S100Z: variants seen among roughly 807,000 people sequenced by gnomAD.
The protein encoded by S100Z is S100 calcium binding protein Z.
S100Z carries 11 observed loss-of-function variants against 8.5 expected under a neutral mutation model. The ratio of observed to expected loss-of-function variants is 1.30; its 90% CI spans 0.82 to 2.15. S100Z has a LOEUF of 2.15. Among genes scored for constraint, S100Z ranks in the 30% most tolerant of loss-of-function variants. The pLI, the probability that S100Z is intolerant of heterozygous loss-of-function variation, is 0.00. For missense variants in S100Z, 126 were observed against 117.9 expected (o/e 1.07, Z -0.32); for synonymous variants, 34 against 43.8 (o/e 0.78, Z 0.89).
intron 4 of S100Z, among the ~76,000 whole-genome samples, chr5:76,917,453 C>T (rs1460700754): frequency 6.6e-6 from 1 of 152,118 alleles, no homozygotes; most frequent in African/African-American, 2.4e-5. Context: ...TTCATGATCA[C>T]ACACAAGTTT....
chr5:76,889,236 A>G (rs556919814), intron 4 of S100Z, among the ~76,000 whole-genome samples: 3 of 152,190 alleles, frequency 2.0e-5, no homozygotes, highest in South Asian at 2.1e-4. Flanking sequence ...CTTCTTGCCT[A>G]TTAAACTCTC....
In S100Z at chr5:76,910,789, C is replaced by A. The variant is rs534138311; in HGVS notation, c.*3-9928C>A. On this transcript the variant is annotated intron_variant, in intron 4 of 4. Transcript: ENST00000317593. ...AAATTGACTTCCTCCTGGACACTGG[C>A]GCGGCCTTCTCAGTGTTAATCTCCT... Among the ~76,000 whole-genome samples, 5 of 152,290 alleles carry A rather than the reference C, an allele frequency of 3.3e-5. No individual in the cohort carries two copies. In the South Asian group the frequency reaches 1.0e-3, roughly 32 times the overall value.
the S100Z span, among the ~76,000 whole-genome samples, chr5:76,931,987 C>T: frequency 1.3e-3 from 204 of 151,934 alleles, 1 homozygote; most frequent in Non-Finnish European, 2.2e-3. Flanking sequence ...ACCACTAGTG[C>T]GGATTTTTCT....
chr5:76,887,442 C>T (rs1367792935), intron 4 of S100Z, among the ~76,000 whole-genome samples: 1 of 144,788 alleles, frequency 6.9e-6, no homozygotes, highest in Non-Finnish European at 1.5e-5. Flanking sequence ...GCTCTGTGCC[C>T]AGGCTGGAGG....
At chr5:76,887,983 C>A (rs1019365943) in intron 4 of S100Z, among the ~76,000 whole-genome samples, 1 of 152,036 alleles carries the variant, frequency 6.6e-6, no homozygotes, top group African/African-American at 2.4e-5. Context: ...ATTGGCCAGG[C>A]ACGGTGGCTC....
At chr5:76,907,470 A>G (rs1447572216) in intron 4 of S100Z, among the ~76,000 whole-genome samples, 1 of 151,802 alleles carries the variant, frequency 6.6e-6, no homozygotes, top group Admixed American at 6.6e-5. Context: ...TGCCCGGCTA[A>G]TTTTTTGTAT....
chr5:76,935,663 T>C, the S100Z span, among the ~76,000 whole-genome samples: 17 of 152,146 alleles, frequency 1.1e-4, no homozygotes, highest in Admixed American at 2.6e-4. Context: ...TACTGCCTTC[T>C]CCCTGGTCTG....
At chr5:76,856,070 A>G (rs1026889744) in intron 1 of S100Z, among the ~76,000 whole-genome samples, 2 of 152,102 alleles carry the variant, frequency 1.3e-5, no homozygotes, top group African/African-American at 4.8e-5. Context: ...TCCTCCGGCC[A>G]CATAAGATGT....
intron 4 of S100Z, among the ~76,000 whole-genome samples, chr5:76,914,686 G>T (rs1197638378): frequency 6.6e-6 from 1 of 151,974 alleles, no homozygotes; most frequent in Non-Finnish European, 1.5e-5. Flanking sequence ...AACTCCAGAC[G>T]TGCCACCTTT....
intron 4 of S100Z, among the ~76,000 whole-genome samples, chr5:76,910,417 G>A (rs1411599563): frequency 6.6e-6 from 1 of 152,198 alleles, no homozygotes; most frequent in African/African-American, 2.4e-5. Context: ...AGTGAGATCA[G>A]AGAAAGGCCG....
chr5:76,864,853 C>T (rs1023077033), intron 1 of S100Z, among the ~76,000 whole-genome samples: 5 of 151,768 alleles, frequency 3.3e-5, no homozygotes, highest in Admixed American at 6.6e-5. Flanking sequence ...AGACTACAGT[C>T]GCACATCACC....
chr5:76,868,872 C>T (rs1156296753), intron 1 of S100Z, among the ~76,000 whole-genome samples: 1 of 152,186 alleles, frequency 6.6e-6, no homozygotes, highest in East Asian at 1.9e-4. Flanking sequence ...GATCTACCCG[C>T]CTCAGCCTCC....
chr5:76,859,499 G>A (rs931637434), intron 1 of S100Z, among the ~76,000 whole-genome samples: 2 of 152,068 alleles, frequency 1.3e-5, no homozygotes, highest in Admixed American at 6.5e-5. Context: ...GAGAAGCCTC[G>A]GCCGGGGGCA....
At chr5:76,950,756 C>T in the S100Z span, among the ~76,000 whole-genome samples, 9,616 of 152,188 alleles carry the variant, frequency 0.063, 397 homozygotes, top group Middle Eastern at 0.13. Flanking sequence ...ATCCAGTTTG[C>T]TTGAACAAAC....
intron 4 of S100Z, among the ~76,000 whole-genome samples, chr5:76,896,703 T>G (rs1055348150): frequency 6.6e-6 from 1 of 152,228 alleles, no homozygotes; most frequent in Admixed American, 6.5e-5. Flanking sequence ...AGCATTCATT[T>G]TACCTGTCTT....
At chr5:76,861,559 G>T (rs556540108) in intron 1 of S100Z, among the ~76,000 whole-genome samples, 1 of 152,076 alleles carries the variant, frequency 6.6e-6, no homozygotes, top group Non-Finnish European at 1.5e-5. Flanking sequence ...GGCTGGTCTC[G>T]AACTCCTGAC....
At chr5:76,898,168 G>A (rs370314918) in intron 4 of S100Z, among the ~76,000 whole-genome samples, 1 of 82,384 alleles carries the variant, frequency 1.2e-5, no homozygotes, top group Non-Finnish European at 2.6e-5. Context: ...TTTTTTTTTT[G>A]AGATGGAGTT....
chr5:76,863,671 T>C (rs1403839144), intron 1 of S100Z, among the ~76,000 whole-genome samples: 2 of 152,004 alleles, frequency 1.3e-5, no homozygotes, highest in Non-Finnish European at 2.9e-5. Context: ...CCCAAGTAGC[T>C]GGGACTACAG....
chr5:76,907,803 T>G (rs1744509625), intron 4 of S100Z, among the ~76,000 whole-genome samples: 1 of 152,100 alleles, frequency 6.6e-6, no homozygotes, highest in South Asian at 2.1e-4. Flanking sequence ...AGAAAAAAAT[T>G]CTAATGTAAA....
Sources: allele counts gnomAD v4.1 joint callset (sites outside exome capture counted in the v4.1 genomes callset), GRCh38; gene constraint gnomAD v4.1.1; transcripts MANE v1.5; gene names NCBI Gene and HGNC (gene_info 2026-07-23, HGNC 2026-07-21).